Variants in CAMKMT observed in about 807,000 individuals in gnomAD.
CAMKMT encodes CaM KMT.
A neutral mutation model predicts 48.0 loss-of-function variants in CAMKMT; 53 were observed. That is an observed-to-expected ratio of 1.10 (90% CI 0.89 to 1.39). The LOEUF (loss-of-function observed/expected upper bound fraction) is 1.39. Ranked by LOEUF, CAMKMT falls within the 40% of genes most tolerant of loss-of-function variation. The probability of loss-of-function intolerance (pLI) is 0.00; values close to 1 mark genes in which losing one functional copy is unlikely to be tolerated. For missense variants in CAMKMT, 428 were observed against 402.7 expected (o/e 1.06, Z -0.54); for synonymous variants, 165 against 152.3 (o/e 1.08, Z -0.61).
At chr2:44,636,104 A>G (rs889815293) in intron 3 of CAMKMT, among the ~76,000 whole-genome samples, 1 of 152,224 alleles carries the variant, frequency 6.6e-6, no homozygotes, top group Non-Finnish European at 1.5e-5. Context: ...TTTTTCCTAA[A>G]TAAACTTTGG....
At chr2:44,494,600 T>C (rs531625728) in intron 3 of CAMKMT, among the ~76,000 whole-genome samples, 1 of 152,338 alleles carries the variant, frequency 6.6e-6, no homozygotes, top group East Asian at 1.9e-4. Flanking sequence ...TTGGATTGTT[T>C]TTAAATTAAT....
chr2:44,472,182 T>C (rs572249640), intron 3 of CAMKMT, among the ~76,000 whole-genome samples: 4 of 152,200 alleles, frequency 2.6e-5, no homozygotes, highest in Non-Finnish European at 4.4e-5. Context: ...GCCATTCTTC[T>C]GCCTCAGCAT....
intron 3 of CAMKMT, among the ~76,000 whole-genome samples, chr2:44,437,466 C>T (rs1473520692): frequency 3.5e-5 from 5 of 141,008 alleles, no homozygotes; most frequent in East Asian, 1.9e-4. Flanking sequence ...TAGTTGAAAA[C>T]GTTTTTTATT....
Position 44,647,319 on chromosome 2 carries a change from G to A in CAMKMT, c.377-56964G>A, listed in dbSNP as rs912447387. On this transcript the variant is annotated intron_variant, in intron 3 of 10. Transcript: ENST00000378494. ...TTTCCTTTTTCAGTTACCCCTTTTC[G>A]TAAAGTGTCACGTTGGTTTATCACT... is the stretch of plus-strand genomic sequence containing the variant. Among the ~76,000 whole-genome samples, 4 of 151,972 alleles carry A rather than the reference G, an allele frequency of 2.6e-5. No homozygotes were observed. In the East Asian group the frequency reaches 5.8e-4, roughly 22 times the overall value.
chr2:44,424,447 G>A (rs1288932117), intron 3 of CAMKMT, among the ~76,000 whole-genome samples: 4 of 152,076 alleles, frequency 2.6e-5, no homozygotes, highest in African/African-American at 9.7e-5. Context: ...AGGGCTACAT[G>A]CATCAGTGAT....
At chr2:44,505,615 C>A (rs1176319803) in intron 3 of CAMKMT, among the ~76,000 whole-genome samples, 1 of 152,020 alleles carries the variant, frequency 6.6e-6, no homozygotes, top group Non-Finnish European at 1.5e-5. Flanking sequence ...TCCAGTTGCT[C>A]TATTCTTTAT....
intron 3 of CAMKMT, among the ~76,000 whole-genome samples, chr2:44,522,016 T>TC (rs201673667): frequency 0.021 from 3,186 of 151,820 alleles, 94 homozygotes; most frequent in African/African-American, 0.067. Flanking sequence ...TCTTTCTTTT[T>TC]TTTTTTTTGA....
chr2:44,720,156 T>C (rs1473075050), intron 7 of CAMKMT, among the ~76,000 whole-genome samples: 1 of 152,198 alleles, frequency 6.6e-6, no homozygotes, highest in Non-Finnish European at 1.5e-5. Flanking sequence ...GTTCAGCTAT[T>C]TTTGATAGAG....
intron 2 of CAMKMT, among the ~76,000 whole-genome samples, chr2:44,380,515 A>G (rs150917955): frequency 2.0e-5 from 3 of 152,288 alleles, no homozygotes; most frequent in African/African-American, 7.2e-5. Flanking sequence ...AGACTAGACA[A>G]GAGCTTGTAG....
rs35453105 is a variant in CAMKMT, at chr2:44,396,741, T to TA, written c.376+6450dup. Among the ~76,000 whole-genome samples the TA allele has an allele frequency of 3.6e-3, 478 of 132,316 alleles. 1 individual carries two copies. Among genetic ancestry groups the TA allele is most frequent in the African/African-American group, 7.3e-3 (263 of 36,210 alleles). 86.8% of individuals were successfully genotyped at this position (132,316 alleles called of 152,430 possible). Reference sequence around the variant, plus strand: ...ATCTTTCAACTAATGATTACCTTTCTAAAAAAAAAAAAAAGAAAGAAAGAA... The same window carrying TA: ...ATCTTTCAACTAATGATTACCTTTCTAAAAAAAAAAAAAAAGAAAGAAAGAA... On this transcript the variant is annotated intron_variant, in intron 3 of 10. Coordinates refer to ENST00000378494, the MANE Select transcript of CAMKMT (RefSeq NM_024766.5).
At chr2:44,462,933 A>ACTG (rs1196213235) in intron 3 of CAMKMT, among the ~76,000 whole-genome samples, 2 of 152,196 alleles carry the variant, frequency 1.3e-5, no homozygotes, top group East Asian at 3.9e-4. Context: ...TTTAACATGA[A>ACTG]CTGCTACCTT....
chr2:44,402,740 GTT>G, intron 3 of CAMKMT, among the ~76,000 whole-genome samples: 40 of 94,096 alleles, frequency 4.3e-4, no homozygotes, highest in African/African-American at 1.3e-3. Flanking sequence ...TTGTTTTGCT[GTT>G]TTTTTTTTTT....
chr2:44,510,443 G>C (rs749294015), intron 3 of CAMKMT, among the ~76,000 whole-genome samples: 4 of 152,124 alleles, frequency 2.6e-5, no homozygotes, highest in Non-Finnish European at 5.9e-5. Context: ...ATTCTAACAT[G>C]ACTCAATTAC....
intron 10 of CAMKMT, among the ~76,000 whole-genome samples, chr2:44,769,899 G>A (rs1322780618): frequency 6.6e-6 from 1 of 152,152 alleles, no homozygotes; most frequent in Non-Finnish European, 1.5e-5. Flanking sequence ...CTCCACTCCT[G>A]CTGCTGCTGT....
chr2:44,619,755 G>C (rs1672076585), intron 3 of CAMKMT, among the ~76,000 whole-genome samples: 1 of 152,094 alleles, frequency 6.6e-6, no homozygotes, highest in Non-Finnish European at 1.5e-5. Flanking sequence ...GGGCATTCTT[G>C]GTGTATGCAC....
Position 44,391,827 on chromosome 2 carries a change from A to G in CAMKMT, c.376+1522A>G, listed in dbSNP as rs1363854946. 23 of 153,122 alleles carry G rather than the reference A, an allele frequency of 1.5e-4. No individual in the cohort carries two copies. In the Admixed American group the frequency reaches 1.5e-3, roughly 10 times the overall value. The allele number at this position is 153,122 out of a possible 1,614,324, so 9.5% of individuals were successfully genotyped here. A position where few individuals can be genotyped will look rare whatever the true frequency, so the allele number is the denominator to read the frequency against. On this transcript the variant is annotated intron_variant, in intron 3 of 10. Coordinates refer to ENST00000378494, the MANE Select transcript of CAMKMT (RefSeq NM_024766.5). ...CATACCCCGTGTTGTTGTTGCATGA[A>G]CAAACGGAAATATTGCATATTCAGG...
chr2:44,375,656 T>G (rs1278788781), intron 2 of CAMKMT, among the ~76,000 whole-genome samples: 1 of 152,074 alleles, frequency 6.6e-6, no homozygotes, highest in Non-Finnish European at 1.5e-5. Context: ...GCAAAGATAC[T>G]AGAAAATACA....
At chr2:44,678,802 C>T (rs1369404611) in intron 3 of CAMKMT, among the ~76,000 whole-genome samples, 1 of 152,088 alleles carries the variant, frequency 6.6e-6, no homozygotes, top group Non-Finnish European at 1.5e-5. Flanking sequence ...CTTATGAGTC[C>T]TGAAAGTGGG....
intron 3 of CAMKMT, among the ~76,000 whole-genome samples, chr2:44,695,919 G>T (rs931437135): frequency 6.6e-6 from 1 of 150,602 alleles, no homozygotes; most frequent in Non-Finnish European, 1.5e-5. Flanking sequence ...AAAAAAAAAA[G>T]ACTAAAAATA....
Sources: allele counts gnomAD v4.1 joint callset (sites outside exome capture counted in the v4.1 genomes callset), GRCh38; gene constraint gnomAD v4.1.1; transcripts MANE v1.5; gene names NCBI Gene and HGNC (gene_info 2026-07-23, HGNC 2026-07-21).